The following RNGTT variants were observed in gnomAD, a reference collection of about 807,000 sequenced individuals.
RNGTT encodes the protein RNA guanylyltransferase and 5'-phosphatase, also known as mRNA-capping enzyme.
Under a neutral mutation model 79.3 loss-of-function variants are expected in RNGTT, and 33 were observed. That is an observed-to-expected ratio of 0.42 (90% CI 0.32 to 0.56). The LOEUF is 0.56. Among genes scored for constraint, RNGTT ranks in the 20% least tolerant of loss-of-function variants. The pLI is 0.17. For synonymous variants in RNGTT, 222 were observed against 235.9 expected (o/e 0.94, Z 0.54); for missense variants, 497 against 739.1 (o/e 0.67, Z 3.80).
chr6:88,678,407 C>G lies in RNGTT; in HGVS notation c.1452G>C (p.Gln484His). The change falls in exon 14 of 16, where the codon CAG becomes CAC. Residue 484 changes from glutamine (Q) to histidine (H), a missense_variant. Gln to His is a conservative substitution (Grantham distance 24, BLOSUM62 0). Coordinates refer to ENST00000369485, the MANE Select transcript of RNGTT (RefSeq NM_003800.5). ...CTCCAACATACAGGAGGCCAACATT[C>G]TGAGGAAGTAACCTACAAAGAAAAA... is the stretch of plus-strand genomic sequence containing the variant. Reference protein sequence around the residue: ...TRMGGEGLLPQNVGLLYVGGY... With the variant: ...TRMGGEGLLPHNVGLLYVGGY... 2.1e-6 allele frequency: 3 copies of G among 1,424,608 alleles called. No homozygotes were observed. Among genetic ancestry groups the G allele is most frequent in the Non-Finnish European group, 2.8e-6 (3 of 1,078,610 alleles). The allele number at this position is 1,424,608 out of a possible 1,614,324, so 88.2% of individuals were successfully genotyped here. A position where few individuals can be genotyped will look rare whatever the true frequency, so the allele number is the denominator to read the frequency against.
chr6:88,890,942 G>A (rs1783029858), intron 7 of RNGTT, among the ~76,000 whole-genome samples: 1 of 152,106 alleles, frequency 6.6e-6, no homozygotes, highest in Non-Finnish European at 1.5e-5. Flanking sequence ...TACTTTACAT[G>A]ATATTCTAGA....
chr6:88,656,081 A>T (rs1773966013), intron 14 of RNGTT, among the ~76,000 whole-genome samples: 1 of 152,222 alleles, frequency 6.6e-6, no homozygotes, highest in Non-Finnish European at 1.5e-5. Flanking sequence ...AGATAAAGGT[A>T]TTATGAAAAG....
chr6:88,749,738 A>C (rs576283688), intron 13 of RNGTT, among the ~76,000 whole-genome samples: 1 of 152,184 alleles, frequency 6.6e-6, no homozygotes, highest in Non-Finnish European at 1.5e-5. Context: ...TACCAAGAGT[A>C]TTAGTTTACC....
In RNGTT at chr6:88,691,099, C is replaced by T. The variant is rs562828522; in HGVS notation, c.1440-12680G>A. On this transcript the variant is annotated intron_variant, in intron 13 of 15. Coordinates refer to ENST00000369485, the MANE Select transcript of RNGTT (RefSeq NM_003800.5). ...CAAATCTCATGTCAAATTGTAATCC[C>T]CAATGTTGGAGGAGGGGCCTGGTGG... 1.3e-3 allele frequency among the ~76,000 whole-genome samples: 194 copies of T among 152,254 alleles called. 2 individuals are homozygous for T. Among genetic ancestry groups the T allele is most frequent in the African/African-American group, 4.4e-3 (181 of 41,558 alleles).
chr6:88,778,643 A>G lies in RNGTT; in HGVS notation c.1339-8769T>C, dbSNP rs532795523. Among the ~76,000 whole-genome samples, 27 of 152,208 alleles carry G rather than the reference A, an allele frequency of 1.8e-4. 1 individual carries two copies. In the South Asian group the frequency reaches 5.4e-3, roughly 31 times the overall value. ...GTAGCTGAGACGAAGGGTGCAATCC[A>G]TTGCACCCAGCTCAAACAGATTTTT... On this transcript the variant is annotated intron_variant, in intron 12 of 15. Coordinates refer to ENST00000369485, the MANE Select transcript of RNGTT (RefSeq NM_003800.5).
rs116041225 is a variant in RNGTT, at chr6:88,891,277, G to T, written c.794+529C>A. 4.8e-3 allele frequency among the ~76,000 whole-genome samples: 730 copies of T among 152,100 alleles called. 2 individuals carry two copies. Among genetic ancestry groups the T allele is most frequent in the African/African-American group, 0.017 (692 of 41,506 alleles). On this transcript the variant is annotated intron_variant, in intron 7 of 15. Transcript: ENST00000369485. ...TAATCCTTTTTCCTTACATTCAACT[G>T]TATTACAGTTCTCTGCCACAGATAC...
chr6:88,760,908 T>C (rs1267847092), intron 13 of RNGTT, among the ~76,000 whole-genome samples: 1 of 151,240 alleles, frequency 6.6e-6, no homozygotes, highest in East Asian at 1.9e-4. Context: ...GAGATCTTGC[T>C]GTATTGCACA....
chr6:88,838,170 T>C (rs1468641609), intron 11 of RNGTT, among the ~76,000 whole-genome samples: 2 of 152,136 alleles, frequency 1.3e-5, no homozygotes, highest in Non-Finnish European at 2.9e-5. Context: ...TATTTAATAG[T>C]TAAAAACAAA....
intron 14 of RNGTT, among the ~76,000 whole-genome samples, chr6:88,636,173 C>T (rs1773092699): frequency 6.6e-6 from 1 of 151,884 alleles, no homozygotes; most frequent in Admixed American, 6.6e-5. Flanking sequence ...GGAAGGCCCA[C>T]CCCTGGAACT....
chr6:88,903,616 A>T (rs897993708), intron 6 of RNGTT, among the ~76,000 whole-genome samples: 1 of 152,256 alleles, frequency 6.6e-6, no homozygotes, highest in Non-Finnish European at 1.5e-5. Flanking sequence ...AAATGCAATT[A>T]AAACATTGTT....
intron 1 of RNGTT, among the ~76,000 whole-genome samples, chr6:88,958,191 C>G (rs1297157214): frequency 1.3e-5 from 2 of 152,150 alleles, no homozygotes; most frequent in Admixed American, 1.3e-4. Flanking sequence ...AAGAATGAAA[C>G]TCATCTCTCA....
At chr6:88,742,554 T>C (rs765296357) in intron 13 of RNGTT, among the ~76,000 whole-genome samples, 1 of 152,142 alleles carries the variant, frequency 6.6e-6, no homozygotes, top group African/African-American at 2.4e-5. Context: ...CGAGACTACG[T>C]TGGGGGAAAG....
intron 13 of RNGTT, among the ~76,000 whole-genome samples, chr6:88,758,832 A>G (rs920339518): frequency 1.3e-5 from 2 of 151,912 alleles, no homozygotes; most frequent in Non-Finnish European, 2.9e-5. Context: ...TCCCAGACTT[A>G]GCATCCATTG....
In RNGTT at chr6:88,906,413, C is replaced by T; in HGVS notation, c.395G>A (p.Arg132His). The T allele has an allele frequency of 1.2e-6, 2 of 1,603,042 alleles. No individual in the cohort carries two copies. Among genetic ancestry groups the T allele is most frequent in the Admixed American group, 1.7e-5 (1 of 57,646 alleles). ...AAAGGCACATATGAGGAAACCAGTG[C>T]GATTGAAGCCATGAGTACAATGAAC... Reference protein sequence around the residue: ...IGVHCTHGFNRTGFLICAFLV... With the variant: ...IGVHCTHGFNHTGFLICAFLV... The change falls in exon 5 of 16, where the codon CGC (arginine) becomes CAC (histidine). Residue 132 changes from arginine to histidine, a missense_variant. This residue lies in a region of RNGTT where 440 missense variants were observed against 671.5 expected (regional missense o/e 0.66). Coordinates refer to ENST00000369485, the MANE Select transcript of RNGTT (RefSeq NM_003800.5).
At chr6:88,739,725 T>TTATAGATATATATATATA (rs1777405867) in intron 13 of RNGTT, among the ~76,000 whole-genome samples, 1 of 94,152 alleles carries the variant, frequency 1.1e-5, no homozygotes, top group South Asian at 3.7e-4. Context: ...GTGAAAAAAA[T>TTATAGATATATATATATA]TATATATATA....
chr6:88,796,979 C>G (rs967115266), intron 12 of RNGTT, among the ~76,000 whole-genome samples: 7 of 152,094 alleles, frequency 4.6e-5, no homozygotes, highest in African/African-American at 1.7e-4. Context: ...CACCTTTTCC[C>G]TAATTCTCTA....
intron 13 of RNGTT, among the ~76,000 whole-genome samples, chr6:88,728,336 G>C (rs1433544097): frequency 6.6e-6 from 1 of 152,186 alleles, no homozygotes; most frequent in Non-Finnish European, 1.5e-5. Context: ...CCTGACTCTC[G>C]TCAGACTGGG....
intron 13 of RNGTT, among the ~76,000 whole-genome samples, chr6:88,679,322 C>T (rs1775000456): frequency 6.6e-6 from 1 of 152,116 alleles, no homozygotes; most frequent in Non-Finnish European, 1.5e-5. Flanking sequence ...TAGCCTCACT[C>T]AAAGAGTGGG....
At chr6:88,812,271 T>C (rs1212223244) in intron 11 of RNGTT, among the ~76,000 whole-genome samples, 4 of 152,206 alleles carry the variant, frequency 2.6e-5, no homozygotes, top group Non-Finnish European at 5.9e-5. Flanking sequence ...ATAATTCTGG[T>C]GAATCCTATT....
Sources: gnomAD v4.1 joint callset for allele counts (sites outside exome capture counted in the v4.1 genomes callset) on GRCh38, gnomAD v4.1.1 for gene constraint, gnomAD v4.1.1 regional missense constraint, MANE v1.5 for transcripts, NCBI Gene and HGNC (gene_info 2026-07-23, HGNC 2026-07-21) for gene names.